Variants in ABI3BP observed in about 807,000 individuals in gnomAD.
The protein encoded by ABI3BP is target of Nesh-SH3.
ABI3BP carries 216 observed loss-of-function variants against 268.6 expected under a neutral mutation model. That is an observed-to-expected ratio of 0.80 (90% CI 0.72 to 0.90). The LOEUF (loss-of-function observed/expected upper bound fraction) is 0.90. Ranked by LOEUF, ABI3BP falls within the 40% of genes least tolerant of loss-of-function variation. The probability of loss-of-function intolerance (pLI) is 0.00; values close to 1 mark genes in which losing one functional copy is unlikely to be tolerated. For synonymous variants in ABI3BP, 730 were observed against 730.0 expected (o/e 1.00, Z 0.00); for missense variants, 2,090 against 2,182.4 (o/e 0.96, Z 0.84).
chr3:100,821,728 G>A (rs569494287), intron 38 of ABI3BP, among the ~76,000 whole-genome samples: 2 of 150,214 alleles, frequency 1.3e-5, no homozygotes, highest in South Asian at 2.1e-4. Flanking sequence ...CCAGCCTCCT[G>A]AGTAGCTGGG....
At position 100,850,047 on chromosome 3, in the gene ABI3BP, G is replaced by A. The variant is rs755435973; in HGVS notation, c.1499C>T (p.Pro500Leu). Residue 500 changes from proline to leucine, a missense_variant and splice_region_variant, in exon 17 of 68, where the codon CCT becomes CTT. Transcript: ENST00000471714. ...ACTACATAAATGTCATTAGTTACCAGGTGTCGTAGGCTGCATTTCTGGACT... is the reference window on the plus strand; with the variant it reads ...ACTACATAAATGTCATTAGTTACCAAGTGTCGTAGGCTGCATTTCTGGACT... ...FTSPEMQPTT[P>L]APQQTTSIPS... 5.0e-6 allele frequency: 8 copies of A among 1,610,466 alleles called. No individual in the cohort carries two copies. Among genetic ancestry groups the A allele is most frequent in the Non-Finnish European group, 6.8e-6 (8 of 1,178,288 alleles).
chr3:100,768,310 G>C (rs1037340625), intron 62 of ABI3BP, among the ~76,000 whole-genome samples: 2 of 151,948 alleles, frequency 1.3e-5, no homozygotes, highest in African/African-American at 2.4e-5. Context: ...GGATGATCTT[G>C]ATCTCCTGAC....
At chr3:100,912,143 C>A in intron 2 of ABI3BP, 1 of 489,396 alleles carries the variant, frequency 2.0e-6, no homozygotes, top group African/African-American at 2.0e-5. Context: ...AGCTGGTCAA[C>A]ACAAAGCCCA....
At chr3:100,983,644 G>A (rs564111733) in intron 1 of ABI3BP, among the ~76,000 whole-genome samples, 81 of 152,228 alleles carry the variant, frequency 5.3e-4, no homozygotes, top group South Asian at 1.9e-3. Flanking sequence ...TGACTTTTGC[G>A]TGGCCAAGTA....
chr3:100,931,929 G>A (rs1165397863), intron 1 of ABI3BP, among the ~76,000 whole-genome samples: 1 of 151,944 alleles, frequency 6.6e-6, no homozygotes, highest in Non-Finnish European at 1.5e-5. Flanking sequence ...CAAAGCTAGA[G>A]GCATCAAACT....
intron 51 of ABI3BP, among the ~76,000 whole-genome samples, chr3:100,800,945 AC>A (rs1463699980): frequency 6.6e-6 from 1 of 152,070 alleles, no homozygotes; most frequent in Non-Finnish European, 1.5e-5. Context: ...TATATCACTA[AC>A]CCATTAATTA....
intron 1 of ABI3BP, among the ~76,000 whole-genome samples, chr3:100,968,693 CTTTTT>C (rs1253054438): frequency 3.3e-5 from 5 of 151,856 alleles, no homozygotes; most frequent in African/African-American, 7.3e-5. Context: ...TTTTTCATTT[CTTTTT>C]ATTTATTGTA....
intron 2 of ABI3BP, among the ~76,000 whole-genome samples, chr3:100,920,125 C>G (rs560428493): frequency 6.6e-6 from 1 of 152,172 alleles, no homozygotes; most frequent in Non-Finnish European, 1.5e-5. Flanking sequence ...CAGTGACTAA[C>G]AGCTCTGCTA....
intron 42 of ABI3BP, 26 bp downstream of exon 42, chr3:100,817,410 T>C (rs920250057): frequency 1.4e-6 from 2 of 1,466,148 alleles, no homozygotes; most frequent in Admixed American, 4.4e-5. Context: ...AGGAAAAAGT[T>C]ATTCAGGAAC....
intron 63 of ABI3BP, among the ~76,000 whole-genome samples, chr3:100,763,873 A>G (rs1482631964): frequency 2.0e-5 from 3 of 152,228 alleles, no homozygotes; most frequent in South Asian, 4.1e-4. Flanking sequence ...CAATATAAAC[A>G]GGCTCAAATA....
chr3:100,848,193 C>T (rs1244350171), intron 18 of ABI3BP, among the ~76,000 whole-genome samples: 2 of 151,912 alleles, frequency 1.3e-5, no homozygotes, highest in African/African-American at 2.4e-5. Flanking sequence ...TCAGCCATTG[C>T]CCTGGTGAAA....
At position 100,834,805 on chromosome 3, in the gene ABI3BP, A is replaced by G. The variant is rs1453066157; in HGVS notation, c.2192-32T>C. 2.6e-6 allele frequency: 4 copies of G among 1,524,562 alleles called. No homozygotes were observed. In the South Asian group the frequency reaches 3.6e-5, roughly 14 times the overall value. The allele number at this position is 1,524,562 out of a possible 1,614,324, so 94.4% of individuals were successfully genotyped here. A position where few individuals can be genotyped will look rare whatever the true frequency, so the allele number is the denominator to read the frequency against. ...AAAGGAAACTGGTTATTGTAGTCAT[A>G]TGACTCCAGAAACCAAAGAAAGGAT... On this transcript the variant is annotated intron_variant, in intron 28 of 67. Transcript: ENST00000471714.
intron 59 of ABI3BP, among the ~76,000 whole-genome samples, chr3:100,776,854 C>G (rs1255947121): frequency 2.0e-5 from 3 of 152,194 alleles, no homozygotes; most frequent in Admixed American, 2.0e-4. Flanking sequence ...GGCCATCAAA[C>G]AGCTCCTTAA....
intron 8 of ABI3BP, 140 bp from the exon 9 acceptor site, chr3:100,875,073 A>G (rs1007109814): frequency 2.6e-5 from 14 of 530,118 alleles, no homozygotes; most frequent in Non-Finnish European, 4.0e-5. Flanking sequence ...ACTTTAAAAC[A>G]TTGGAAAAAA....
At chr3:100,797,977 G>A (rs1425816977) in intron 51 of ABI3BP, among the ~76,000 whole-genome samples, 1 of 152,082 alleles carries the variant, frequency 6.6e-6, no homozygotes, top group Non-Finnish European at 1.5e-5. Context: ...GAAACAAAAT[G>A]TTTATCTTGA....
intron 2 of ABI3BP, among the ~76,000 whole-genome samples, chr3:100,909,787 T>A (rs1344575387): frequency 6.6e-6 from 1 of 152,168 alleles, no homozygotes; most frequent in East Asian, 1.9e-4. Context: ...TGAGAGGATG[T>A]GGAGAAATAG....
chr3:100,910,115 T>C (rs1247801936), intron 2 of ABI3BP, among the ~76,000 whole-genome samples: 1 of 152,128 alleles, frequency 6.6e-6, no homozygotes, highest in African/African-American at 2.4e-5. Flanking sequence ...TGCGGGGACA[T>C]GGATGAAGCT....
intron 1 of ABI3BP, among the ~76,000 whole-genome samples, chr3:100,959,438 C>T (rs932388080): frequency 8.9e-5 from 12 of 134,994 alleles, no homozygotes; most frequent in South Asian, 2.3e-4. Context: ...TGCAGTGAGC[C>T]GAGATCGCGC....
At chr3:100,860,374 T>C (rs1448566608) in intron 14 of ABI3BP, among the ~76,000 whole-genome samples, 2 of 152,148 alleles carry the variant, frequency 1.3e-5, no homozygotes, top group Non-Finnish European at 2.9e-5. Flanking sequence ...GGTGGGGAGT[T>C]CTCAGTTGGA....
Sources: allele counts gnomAD v4.1 joint callset (sites outside exome capture counted in the v4.1 genomes callset), GRCh38; gene constraint gnomAD v4.1.1; transcripts MANE v1.5; gene names NCBI Gene and HGNC (gene_info 2026-07-23, HGNC 2026-07-21).